Variants in GHR observed in about 807,000 individuals in gnomAD.
GHR encodes the protein growth hormone receptor, also known as GH receptor.
In GHR, 35 loss-of-function variants were observed where a neutral mutation model predicts 67.1. The observed-to-expected ratio is 0.52, with a 90% CI of 0.40 to 0.69. The LOEUF is 0.69. Among genes scored for constraint, GHR ranks in the 30% least tolerant of loss-of-function variants. The probability of loss-of-function intolerance (pLI) is 0.00; values close to 1 mark genes in which losing one functional copy is unlikely to be tolerated. For synonymous variants in GHR, 272 were observed against 269.1 expected (o/e 1.01, Z -0.10); for missense variants, 792 against 764.6 (o/e 1.04, Z -0.42).
intron 5 of GHR, 69 bp downstream of exon 5, chr5:42,695,158 C>A: frequency 1.0e-6 from 1 of 978,986 alleles, no homozygotes; most frequent in Non-Finnish European, 1.6e-6. Flanking sequence ...CTGCAAGGTC[C>A]AAGTATAATC....
chr5:42,709,587 T>A (rs1246567964), intron 6 of GHR, among the ~76,000 whole-genome samples: 2 of 152,184 alleles, frequency 1.3e-5, no homozygotes, highest in Non-Finnish European at 2.9e-5. Context: ...GAGGACCCAC[T>A]GTATACCTGA....
At chr5:42,514,432 T>G in intron 1 of GHR, 1 of 455,670 alleles carries the variant, frequency 2.2e-6, no homozygotes, top group Non-Finnish European at 2.9e-6. Context: ...CTATTCAAAC[T>G]CCCAGCTATC....
intron 1 of GHR, among the ~76,000 whole-genome samples, chr5:42,510,662 G>A (rs1318562250): frequency 2.0e-5 from 3 of 152,190 alleles, no homozygotes; most frequent in African/African-American, 7.2e-5. Context: ...ATTGACTGAA[G>A]GCGACTCAAG....
At position 42,719,921 on chromosome 5, in the gene GHR, G is replaced by T; in HGVS notation, c.*497G>T. 5.4e-6 allele frequency: 1 copy of T among 185,428 alleles called. No homozygotes were observed. Among genetic ancestry groups the T allele is most frequent in the Non-Finnish European group, 1.1e-5 (1 of 89,724 alleles). 11.5% of individuals were successfully genotyped at this position (185,428 alleles called of 1,614,324 possible). Reference sequence around the variant, plus strand: ...AACTATAAGCAAGAAGGCAAAAATAGTTTGGATATGTAAAACATTTATTTT... The same window carrying T: ...AACTATAAGCAAGAAGGCAAAAATATTTTGGATATGTAAAACATTTATTTT... On this transcript the variant is annotated 3_prime_UTR_variant, in exon 10 of 10. Coordinates refer to ENST00000230882, the MANE Select transcript of GHR (RefSeq NM_000163.5).
chr5:42,521,916 G>C lies in GHR; in HGVS notation c.-11-43948G>C, dbSNP rs556226045. On this transcript the variant is annotated intron_variant, in intron 1 of 9. Coordinates refer to ENST00000230882, the MANE Select transcript of GHR (RefSeq NM_000163.5). The stretch of plus-strand genomic sequence containing the variant: ...TGCTGTTTTTAAATAATTTGGCAAA[G>C]CTTATTTGCATTTCCCAAATTAACA... 6.6e-5 allele frequency among the ~76,000 whole-genome samples: 10 copies of C among 152,246 alleles called. No homozygotes were observed. In the South Asian group the frequency reaches 1.2e-3, roughly 19 times the overall value.
intron 1 of GHR, among the ~76,000 whole-genome samples, chr5:42,520,384 G>A (rs1281691499): frequency 6.6e-6 from 1 of 152,130 alleles, no homozygotes; most frequent in Non-Finnish European, 1.5e-5. Flanking sequence ...AAGCTTTATG[G>A]CATAGCTTTA....
intron 1 of GHR, among the ~76,000 whole-genome samples, chr5:42,539,540 C>T (rs951560385): frequency 1.3e-5 from 2 of 152,198 alleles, no homozygotes; most frequent in Non-Finnish European, 2.9e-5. Flanking sequence ...GGTCTCTCAG[C>T]CATGGATACC....
At chr5:42,653,207 A>T (rs1755094277) in intron 3 of GHR, among the ~76,000 whole-genome samples, 1 of 152,190 alleles carries the variant, frequency 6.6e-6, no homozygotes, top group African/African-American at 2.4e-5. Flanking sequence ...TGAATGAGAC[A>T]TGTTAAACAT....
At position 42,448,436 on chromosome 5, in the gene GHR, G is replaced by T. The variant is rs940828284; in HGVS notation, c.-12+24481G>T. Reference sequence around the variant, plus strand: ...TCATGTCCTTTGCCCACTTTTTGATGGGATTATTTGTTTTTTTCTTGCTAA... The same window carrying T: ...TCATGTCCTTTGCCCACTTTTTGATTGGATTATTTGTTTTTTTCTTGCTAA... On this transcript the variant is annotated intron_variant, in intron 1 of 9. Transcript: ENST00000230882. 4.0e-5 allele frequency among the ~76,000 whole-genome samples: 6 copies of T among 151,718 alleles called. No individual in the cohort carries two copies. The East Asian group carries it at 1.2e-3, about 29-fold the overall frequency.
chr5:42,599,607 C>G (rs1292320955), intron 2 of GHR, among the ~76,000 whole-genome samples: 5 of 152,064 alleles, frequency 3.3e-5, no homozygotes, highest in Admixed American at 6.5e-5. Flanking sequence ...GATCCACCCC[C>G]CCGCCTCTTG....
intron 1 of GHR, among the ~76,000 whole-genome samples, chr5:42,499,441 A>G (rs1294945740): frequency 6.6e-6 from 1 of 152,130 alleles, no homozygotes; most frequent in African/African-American, 2.4e-5. Context: ...GGGAAGAGTG[A>G]TGGTTTCCAA....
chr5:42,637,853 G>A (rs1405737250), intron 3 of GHR, among the ~76,000 whole-genome samples: 3 of 152,160 alleles, frequency 2.0e-5, no homozygotes, highest in African/African-American at 7.2e-5. Flanking sequence ...TGGTAGTTCT[G>A]TTTTAATTTC....
At chr5:42,528,015 T>G (rs948778599) in intron 1 of GHR, among the ~76,000 whole-genome samples, 1 of 152,168 alleles carries the variant, frequency 6.6e-6, no homozygotes, top group Non-Finnish European at 1.5e-5. Flanking sequence ...AAGATTTTTT[T>G]CTAAATATTA....
chr5:42,447,867 T>G (rs1743880711), intron 1 of GHR, among the ~76,000 whole-genome samples: 2 of 151,626 alleles, frequency 1.3e-5, no homozygotes, highest in African/African-American at 4.9e-5. Flanking sequence ...GCCTCCCAGG[T>G]TCAAGCAATT....
intron 1 of GHR, among the ~76,000 whole-genome samples, chr5:42,426,381 A>T (rs1300223591): frequency 2.6e-5 from 4 of 152,206 alleles, no homozygotes; most frequent in African/African-American, 9.6e-5. Flanking sequence ...GTGGGACAGT[A>T]AATTGTTTAG....
intron 3 of GHR, among the ~76,000 whole-genome samples, chr5:42,638,103 C>A (rs952172030): frequency 6.6e-6 from 1 of 152,060 alleles, no homozygotes; most frequent in Admixed American, 6.5e-5. Context: ...CCACGCCCGG[C>A]AAATTTTTTT....
At chr5:42,466,859 T>C in intron 1 of GHR, 1 of 1,420,078 alleles carries the variant, frequency 7.0e-7, no homozygotes, top group East Asian at 2.3e-5. Context: ...TTATGACCAA[T>C]GCTGGAAGTC....
chr5:42,444,670 C>T (rs1427765415), intron 1 of GHR, among the ~76,000 whole-genome samples: 1 of 152,150 alleles, frequency 6.6e-6, no homozygotes. Context: ...GAGCTTCAAA[C>T]TGAACTACCT....
chr5:42,715,161 C>G, intron 8 of GHR: 1 of 278,610 alleles, frequency 3.6e-6, no homozygotes, highest in Non-Finnish European at 7.5e-6. Context: ...TATTGTTCTC[C>G]CAAATTTCCT....
Sources: allele counts gnomAD v4.1 joint callset (sites outside exome capture counted in the v4.1 genomes callset), GRCh38; gene constraint gnomAD v4.1.1; transcripts MANE v1.5; gene names NCBI Gene and HGNC (gene_info 2026-07-23, HGNC 2026-07-21).